RAB11FIP2: variants seen among roughly 807,000 people sequenced by gnomAD.
The protein encoded by RAB11FIP2 is rab11 family-interacting protein 2.
In RAB11FIP2, 16 loss-of-function variants were observed where a neutral mutation model predicts 40.9. That is an observed-to-expected ratio of 0.39 (90% CI 0.26 to 0.59). The LOEUF (loss-of-function observed/expected upper bound fraction) is 0.59. RAB11FIP2 is among the 20% of genes least tolerant of loss of function. RAB11FIP2 has a pLI of 0.53. For synonymous variants in RAB11FIP2, 228 were observed against 213.7 expected, an observed-to-expected ratio of 1.07 and a Z score of -0.58; for missense variants, 532 against 606.2, an observed-to-expected ratio of 0.88 and a Z score of 1.28.
chr10:118,015,681 G>A (rs1018332069), intron 3 of RAB11FIP2, among the ~76,000 whole-genome samples: 9 of 152,066 alleles, frequency 5.9e-5, no homozygotes, highest in African/African-American at 1.7e-4. Flanking sequence ...ATACTGAAAC[G>A]AATCAAAACA....
At chr10:118,010,362 T>C (rs955919714) in intron 4 of RAB11FIP2, among the ~76,000 whole-genome samples, 1 of 152,144 alleles carries the variant, frequency 6.6e-6, no homozygotes, top group Non-Finnish European at 1.5e-5. Flanking sequence ...TTCTTGCTGT[T>C]AAGGAATACT....
chr10:118,015,165 T>C, intron 3 of RAB11FIP2, 55 bp from the exon 4 acceptor site: 5 of 1,459,960 alleles, frequency 3.4e-6, no homozygotes, highest in Non-Finnish European at 4.7e-6. Flanking sequence ...GGAGGAAACA[T>C]AAAAATAGAA....
At chr10:118,042,887 A>C (rs1426585988) in intron 1 of RAB11FIP2, among the ~76,000 whole-genome samples, 1 of 152,224 alleles carries the variant, frequency 6.6e-6, no homozygotes, top group Non-Finnish European at 1.5e-5. Flanking sequence ...AAATGTAGCA[A>C]TGACAAATAA....
At position 118,005,873 on chromosome 10, in the gene RAB11FIP2, C is replaced by T. The variant is rs1344680513; in HGVS notation, c.*3125G>A. 1 of 152,438 alleles carries T rather than the reference C, an allele frequency of 6.6e-6. No individual in the cohort carries two copies. Among genetic ancestry groups the T allele is most frequent in the Non-Finnish European group, 1.5e-5 (1 of 67,996 alleles). 9.4% of individuals were successfully genotyped at this position (152,438 alleles called of 1,614,324 possible). A position where few individuals can be genotyped will look rare whatever the true frequency, so the allele number is the denominator to read the frequency against. ...TAACAAGAAGAAAACAAGTCTGTCACTAATGAGCTTAGTTTTACTTAGGTT... is the reference window on the plus strand; with the variant it reads ...TAACAAGAAGAAAACAAGTCTGTCATTAATGAGCTTAGTTTTACTTAGGTT... On this transcript the variant is annotated 3_prime_UTR_variant, in exon 5 of 5. Transcript: ENST00000355624.
chr10:118,024,879 C>T (rs139399264), intron 3 of RAB11FIP2, among the ~76,000 whole-genome samples: 1 of 152,138 alleles, frequency 6.6e-6, no homozygotes, highest in African/African-American at 2.4e-5. Context: ...TAAGAACAGC[C>T]TGCAATGAAG....
chr10:118,022,662 A>G (rs1361635873), intron 3 of RAB11FIP2, among the ~76,000 whole-genome samples: 6 of 152,220 alleles, frequency 3.9e-5, no homozygotes, highest in Non-Finnish European at 1.5e-5. Flanking sequence ...TATATGGTAT[A>G]AAAGTTTGCT....
chr10:118,044,506 C>T (rs1846602020), intron 1 of RAB11FIP2, among the ~76,000 whole-genome samples: 1 of 152,070 alleles, frequency 6.6e-6, no homozygotes, highest in African/African-American at 2.4e-5. Flanking sequence ...TTATTCAAAT[C>T]ACTGATATAT....
chr10:118,041,503 A>C (rs1846558257), intron 1 of RAB11FIP2, among the ~76,000 whole-genome samples: 4 of 151,914 alleles, frequency 2.6e-5, no homozygotes, highest in African/African-American at 9.7e-5. Flanking sequence ...GAAAACAGCC[A>C]AAAAAAACTA....
intron 3 of RAB11FIP2, among the ~76,000 whole-genome samples, chr10:118,023,666 C>G (rs1182695620): frequency 1.3e-5 from 2 of 152,128 alleles, no homozygotes; most frequent in Non-Finnish European, 2.9e-5. Flanking sequence ...TCAGACCTAG[C>G]TGCTTTTCCA....
chr10:118,026,038 C>T (rs1040663355), intron 3 of RAB11FIP2, among the ~76,000 whole-genome samples: 2 of 152,138 alleles, frequency 1.3e-5, no homozygotes, highest in African/African-American at 4.8e-5. Flanking sequence ...ATCAACATAA[C>T]CCTCACAGAG....
chr10:118,032,662 C>T (rs1182709758), intron 3 of RAB11FIP2, among the ~76,000 whole-genome samples: 31 of 152,138 alleles, frequency 2.0e-4, no homozygotes, highest in Non-Finnish European at 1.5e-5. Flanking sequence ...GTTTTGCTTT[C>T]CACAGTTTCA....
At position 118,015,069 on chromosome 10, in the gene RAB11FIP2, A is replaced by G. The variant is rs747427846; in HGVS notation, c.1307T>C (p.Ile436Thr). 1.2e-6 allele frequency: 2 copies of G among 1,608,704 alleles called. No individual in the cohort carries two copies. Among genetic ancestry groups the G allele is most frequent in the South Asian group, 1.1e-5 (1 of 90,150 alleles). Residue 436 changes from isoleucine to threonine, a missense_variant, in exon 4 of 5, where the codon ATC becomes ACC. Transcript: ENST00000355624. ...SPTSNEDLRK[I>T]PDSNPFDATA... Reference sequence around the variant, plus strand: ...CTAACCCCTTCAGCAACTTACCGGGATTTTCCTGAGGTCTTCATTGCTTGT... The same window carrying G: ...CTAACCCCTTCAGCAACTTACCGGGGTTTTCCTGAGGTCTTCATTGCTTGT...
intron 3 of RAB11FIP2, among the ~76,000 whole-genome samples, chr10:118,030,958 C>T (rs1433275402): frequency 6.6e-6 from 1 of 152,034 alleles, no homozygotes; most frequent in African/African-American, 2.4e-5. Context: ...GAACTAATCA[C>T]GTTGCATACT....
intron 1 of RAB11FIP2, chr10:118,043,406 T>C (rs971636964): frequency 1.3e-5 from 2 of 152,174 alleles, no homozygotes; most frequent in Non-Finnish European, 2.9e-5. Flanking sequence ...ATTCTATTAC[T>C]AAACATTGTA....
rs569834338 is a variant in RAB11FIP2, at chr10:118,040,218, G to A, written c.701C>T (p.Ser234Phe). The change falls in exon 2 of 5, where the codon TCC (serine) becomes TTC (phenylalanine). Residue 234 changes from serine to phenylalanine, a missense_variant. Physicochemically the swap from Ser to Phe is radical, Grantham distance 155 (BLOSUM62 -2). Coordinates refer to ENST00000355624, the MANE Select transcript of RAB11FIP2 (RefSeq NM_014904.3). ...SAHSMSDLSG[S>F]HMSSEKLKAG... ...CTTCAGTTTCTCAGAAGACATATGGGACCCAGATAAATCAGACATTGAATG... is the reference window on the plus strand; with the variant it reads ...CTTCAGTTTCTCAGAAGACATATGGAACCCAGATAAATCAGACATTGAATG... 1.9e-4 allele frequency: 307 copies of A among 1,613,748 alleles called. No individual in the cohort carries two copies. The South Asian group carries it at 2.9e-3, about 15-fold the overall frequency.
chr10:118,034,031 G>C, intron 3 of RAB11FIP2: 2 of 701,806 alleles, frequency 2.8e-6, no homozygotes, highest in Non-Finnish European at 2.6e-6. Context: ...GCAGGGGTCA[G>C]CAAAGTATTT....
At position 118,039,374 on chromosome 10, in the gene RAB11FIP2, C is replaced by T. The variant is rs1846524510; in HGVS notation, c.863G>A (p.Ser288Asn). 6.2e-7 allele frequency: 1 copy of T among 1,613,522 alleles called. No individual in the cohort carries two copies. Among genetic ancestry groups the T allele is most frequent in the South Asian group, 1.1e-5 (1 of 91,064 alleles). Residue 288 changes from serine (S) to asparagine (N), a missense_variant, in exon 3 of 5, where the codon AGC (serine) becomes AAC (asparagine). Transcript: ENST00000355624. ...ACACAATTCACCTTCATCCACAATG[C>T]TGTCAGGTTGGTTCATTTTAGAAGT... ...FDTSKMNQPD[S>N]IVDEGELCFG...
At chr10:118,025,675 C>T (rs1478991585) in intron 3 of RAB11FIP2, among the ~76,000 whole-genome samples, 1 of 152,158 alleles carries the variant, frequency 6.6e-6, no homozygotes, top group African/African-American at 2.4e-5. Flanking sequence ...TAAATTCATA[C>T]TAATAAGGTC....
chr10:118,024,246 A>G (rs1026594941), intron 3 of RAB11FIP2, among the ~76,000 whole-genome samples: 1 of 152,182 alleles, frequency 6.6e-6, no homozygotes, highest in African/African-American at 2.4e-5. Flanking sequence ...CTAATACATA[A>G]GAATAAATCC....
Sources: gnomAD v4.1 joint callset for allele counts (sites outside exome capture counted in the v4.1 genomes callset) on GRCh38, gnomAD v4.1.1 for gene constraint, MANE v1.5 for transcripts, NCBI Gene and HGNC (gene_info 2026-07-23, HGNC 2026-07-21) for gene names.